The following BBS1 variants were observed in gnomAD, a reference collection of about 807,000 sequenced individuals.
BBS1 encodes the protein BBSome complex member BBS1.
In BBS1, 60 loss-of-function variants were observed where a neutral mutation model predicts 73.9. That is an observed-to-expected ratio of 0.81 (90% CI 0.66 to 1.01). BBS1 has a LOEUF of 1.01. Ranked by LOEUF, BBS1 falls within the 50% of genes least tolerant of loss-of-function variation. The pLI is 0.00. For missense variants in BBS1, 718 were observed against 770.3 expected (o/e 0.93, Z 0.80); for synonymous variants, 283 against 317.4 (o/e 0.89, Z 1.15).
rs763738657 is a variant in BBS1 at position 66,515,554 on chromosome 11, C to T, written c.447C>T (p.Pro149=). 70 of 1,614,074 alleles carry T rather than the reference C, an allele frequency of 4.3e-5. No homozygotes were observed. In the East Asian group the frequency reaches 1.4e-3, roughly 32 times the overall value. ...CATTGTCACAGGACCGAATCGACCC[C>T]TTAACCCTGAAGGAGATGCTGGAGA... ...WNQAKEDRID[P]LTLKEMLESI... The change falls in exon 5 of 17, where the codon CCC becomes CCT. Residue 149 remains proline (P), a synonymous_variant. Transcript: ENST00000318312.
chr11:66,519,570 G>A, intron 7 of BBS1, 47 bp from the exon 8 acceptor site: 1 of 1,612,270 alleles, frequency 6.2e-7, no homozygotes, highest in Admixed American at 1.7e-5. Context: ...GTATCTTGGG[G>A]GTGGTGTGTG....
chr11:66,520,929 G>A (rs1856188169), intron 8 of BBS1: 1 of 366,460 alleles, frequency 2.7e-6, no homozygotes, highest in African/African-American at 2.1e-5. Context: ...ATGTTGGACA[G>A]GCTGGTCTTG....
chr11:66,529,227 G>C, intron 13 of BBS1: 1 of 1,492,524 alleles, frequency 6.7e-7, no homozygotes, highest in Non-Finnish European at 8.9e-7. Context: ...GCTTGGGGAA[G>C]AGTCATGTGA....
chr11:66,514,893 G>C (rs1422176215), intron 4 of BBS1, among the ~76,000 whole-genome samples: 1 of 151,534 alleles, frequency 6.6e-6, no homozygotes, highest in Non-Finnish European at 1.5e-5. Context: ...TTGGTTCACT[G>C]CAGCCTCTGG....
rs796828171 is a variant in BBS1 at position 66,533,494 on chromosome 11, C to A, written c.*1457C>A. ...TCTTTTGTCAGCAACCCTCCCCCATCCCTAGTTATTAGGTTAAAAAATACT... is the reference window on the plus strand; with the variant it reads ...TCTTTTGTCAGCAACCCTCCCCCATACCTAGTTATTAGGTTAAAAAATACT... On this transcript the variant is annotated 3_prime_UTR_variant, in exon 17 of 17. Transcript: ENST00000318312. 1.3e-5 allele frequency: 2 copies of A among 152,198 alleles called. No individual in the cohort carries two copies. Among genetic ancestry groups the A allele is most frequent in the South Asian group, 4.1e-4 (2 of 4,834 alleles). 9.4% of individuals were successfully genotyped at this position (152,198 alleles called of 1,614,324 possible).
In BBS1 at chr11:66,532,069, T is replaced by A. The variant is rs374544695; in HGVS notation, c.*32T>A. On this transcript the variant is annotated 3_prime_UTR_variant, in exon 17 of 17. Coordinates refer to ENST00000318312, the MANE Select transcript of BBS1 (RefSeq NM_024649.5). ...AGCTGCTGTGAAAGCCCCTGCACAA[T>A]CAGCCAGGGAGAACTGGGCGGGTTT... The A allele has an allele frequency of 6.3e-7, 1 of 1,576,460 alleles. No individual in the cohort carries two copies. Among genetic ancestry groups the A allele is most frequent in the Non-Finnish European group, 8.6e-7 (1 of 1,162,244 alleles).
chr11:66,522,504 C>T (rs1229636099), intron 9 of BBS1, among the ~76,000 whole-genome samples: 14 of 151,790 alleles, frequency 9.2e-5, no homozygotes, highest in South Asian at 2.1e-4. Context: ...CGTGCCACCA[C>T]ACCCAGCTAA....
intron 9 of BBS1, 119 bp from the exon 10 acceptor site, chr11:66,523,337 A>G: frequency 7.1e-7 from 1 of 1,410,054 alleles, no homozygotes; most frequent in Admixed American, 1.7e-5. Context: ...TCCCAGGGTC[A>G]TCTGCTTTGG....
At chr11:66,526,312 GC>G (rs931682603) in intron 12 of BBS1, 120 bp downstream of exon 12, 1 of 1,004,210 alleles carries the variant, frequency 1.0e-6, no homozygotes, top group African/African-American at 1.6e-5. Flanking sequence ...GGAAAGTAAG[GC>G]CTACAGAAGT....
At chr11:66,522,711 G>T in intron 9 of BBS1, 1 of 197,382 alleles carries the variant, frequency 5.1e-6, no homozygotes, top group Non-Finnish European at 1.0e-5. Context: ...GCAGTGTGTG[G>T]TATTAGGGAT....
chr11:66,514,717 A>C, intron 4 of BBS1, 39 bp downstream of exon 4: 1 of 1,602,784 alleles, frequency 6.2e-7, no homozygotes, highest in Middle Eastern at 1.7e-4. Context: ...CAGAAGGCAA[A>C]GATGGCAGCC....
intron 14 of BBS1, among the ~76,000 whole-genome samples, chr11:66,530,371 C>T (rs917178683): frequency 2.0e-5 from 3 of 152,108 alleles, no homozygotes; most frequent in East Asian, 1.9e-4. Context: ...CCGCAAGCAC[C>T]GAGACCAGCA....
intron 7 of BBS1, among the ~76,000 whole-genome samples, chr11:66,516,291 A>G (rs1856048949): frequency 6.6e-6 from 1 of 151,790 alleles, no homozygotes; most frequent in Admixed American, 6.6e-5. Flanking sequence ...ACACCCAGCT[A>G]ATTTTTGTAT....
At chr11:66,518,114 C>T (rs1002186647) in intron 7 of BBS1, among the ~76,000 whole-genome samples, 3 of 150,600 alleles carry the variant, frequency 2.0e-5, no homozygotes, top group Admixed American at 6.6e-5. Context: ...TGTGCCACCA[C>T]GCCCGGCTAA....
chr11:66,529,645 C>A lies in BBS1; in HGVS notation c.1340-174C>A, dbSNP rs145942922. On this transcript the variant is annotated intron_variant, in intron 13 of 16. Transcript: ENST00000318312. ...AAGAGGCAGGGCGAGGCCACGGCGT[C>A]GAGTTTTGCCAGAAGGCTGGGCTCT... 3.8e-3 allele frequency among the ~76,000 whole-genome samples: 583 copies of A among 151,908 alleles called. 4 individuals are homozygous for A. Among genetic ancestry groups the A allele is most frequent in the African/African-American group, 0.013 (555 of 41,408 alleles).
In BBS1 at chr11:66,530,007, G is replaced by A. The variant is rs367723875; in HGVS notation, c.1473+55G>A. 1.5e-4 allele frequency: 236 copies of A among 1,559,092 alleles called. 2 individuals are homozygous for A. The highest frequency in any genetic ancestry group is 1.3e-3 in the African/African-American group (98 of 73,910). On this transcript the variant is annotated intron_variant, in intron 14 of 16. Coordinates refer to ENST00000318312, the MANE Select transcript of BBS1 (RefSeq NM_024649.5). Reference sequence around the variant, plus strand: ...GCCAGAGGGGCAGAGGCCAGGATGCGCAGGAACCCCTCTGCCACACAGCTA... The same window carrying A: ...GCCAGAGGGGCAGAGGCCAGGATGCACAGGAACCCCTCTGCCACACAGCTA...
intron 3 of BBS1, among the ~76,000 whole-genome samples, chr11:66,512,971 C>CA (rs534825350): frequency 0.022 from 3,015 of 139,404 alleles, 91 homozygotes; most frequent in African/African-American, 0.073. Context: ...GACTCCATCT[C>CA]AAAAAAAAAA....
At position 66,523,511 on chromosome 11, in the gene BBS1, A is replaced by T. The variant is rs1487474929; in HGVS notation, c.886A>T (p.Ile296Phe). The change falls in exon 10 of 17, where the codon ATC (isoleucine) becomes TTC (phenylalanine). Residue 296 changes from isoleucine to phenylalanine, a missense_variant. Transcript: ENST00000318312. The stretch of plus-strand genomic sequence containing the variant: ...GCTGAGCGCCCAGCCTGTGGGACTT[A>T]TCCGGGTACACAAGGTCCTAGTGGT... ...IELSAQPVGLIRVHKVLVVGS... is the reference protein window; with the variant it reads ...IELSAQPVGLFRVHKVLVVGS... The T allele has an allele frequency of 1.2e-6, 2 of 1,613,994 alleles. No individual in the cohort carries two copies. Among genetic ancestry groups the T allele is most frequent in the African/African-American group, 2.7e-5 (2 of 74,898 alleles).
intron 3 of BBS1, among the ~76,000 whole-genome samples, chr11:66,512,075 T>TATATATGTATATATATAC (rs1565280809): frequency 2.9e-4 from 42 of 142,508 alleles, no homozygotes; most frequent in South Asian, 1.1e-3. Flanking sequence ...TATATATATA[T>TATATATGTATATATATAC]ACATATATTT....
Sources: allele counts gnomAD v4.1 joint callset (sites outside exome capture counted in the v4.1 genomes callset), GRCh38; gene constraint gnomAD v4.1.1; transcripts MANE v1.5; gene names NCBI Gene and HGNC (gene_info 2026-07-23, HGNC 2026-07-21).